AGBL4: variants seen among roughly 807,000 people sequenced by gnomAD.
AGBL4 encodes AGBL carboxypeptidase 4.
A neutral mutation model predicts 66.4 loss-of-function variants in AGBL4; 58 were observed. The ratio of observed to expected loss-of-function variants is 0.87; its 90% CI spans 0.71 to 1.09. The LOEUF (loss-of-function observed/expected upper bound fraction) is 1.09. Ranked by LOEUF, AGBL4 falls within the 50% of genes least tolerant of loss-of-function variation. AGBL4 has a pLI of 0.00. For missense variants in AGBL4, 579 were observed against 631.0 expected (o/e 0.92, Z 0.88); for synonymous variants, 234 against 222.9 (o/e 1.05, Z -0.44).
chr1:49,878,359 G>T (rs929659962), intron 1 of AGBL4, among the ~76,000 whole-genome samples: 2 of 149,462 alleles, frequency 1.3e-5, no homozygotes, highest in African/African-American at 2.5e-5. Context: ...GGTATGTTGT[G>T]TCTTTGTTCT....
At chr1:49,032,501 A>G (rs1664313116) in intron 5 of AGBL4, among the ~76,000 whole-genome samples, 1 of 152,188 alleles carries the variant, frequency 6.6e-6, no homozygotes, top group Non-Finnish European at 1.5e-5. Flanking sequence ...CAAAGCAGCA[A>G]TCTTCCAACC....
chr1:48,933,022 A>G (rs1014293540), intron 5 of AGBL4, among the ~76,000 whole-genome samples: 1 of 152,016 alleles, frequency 6.6e-6, no homozygotes, highest in Non-Finnish European at 1.5e-5. Flanking sequence ...CTCTTTGTTT[A>G]TGCAAAGATT....
chr1:49,382,356 A>G (rs1275949055), intron 3 of AGBL4, among the ~76,000 whole-genome samples: 3 of 152,214 alleles, frequency 2.0e-5, no homozygotes, highest in Admixed American at 2.0e-4. Context: ...AGTTCAACAT[A>G]TAAAAAGCAA....
intron 4 of AGBL4, among the ~76,000 whole-genome samples, chr1:49,170,558 TG>T (rs1360477916): frequency 1.4e-5 from 2 of 146,298 alleles, no homozygotes; most frequent in Admixed American, 1.4e-4. Flanking sequence ...TATACAAATA[TG>T]TTTACATTTA....
intron 6 of AGBL4, among the ~76,000 whole-genome samples, chr1:48,720,704 G>T (rs1647132369): frequency 6.6e-6 from 1 of 152,112 alleles, no homozygotes; most frequent in Non-Finnish European, 1.5e-5. Context: ...ACAGTGTAGG[G>T]GTTCAGCAAA....
At chr1:49,131,052 C>T (rs571501533) in intron 4 of AGBL4, among the ~76,000 whole-genome samples, 16 of 151,808 alleles carry the variant, frequency 1.1e-4, no homozygotes, top group African/African-American at 2.7e-4. Flanking sequence ...GCATATGTAT[C>T]GATGGAATGA....
chr1:48,661,312 G>T (rs6587995), intron 7 of AGBL4, among the ~76,000 whole-genome samples: 11,767 of 152,232 alleles, frequency 0.077, 1,484 homozygotes, highest in African/African-American at 0.27. Flanking sequence ...TTGCCAGGTG[G>T]CAAGGAGCAG....
chr1:49,177,776 G>A (rs1163203374), intron 4 of AGBL4, among the ~76,000 whole-genome samples: 1 of 152,020 alleles, frequency 6.6e-6, no homozygotes, highest in African/African-American at 2.4e-5. Context: ...GAGTGGGGAG[G>A]GCATAGCACC....
intron 2 of AGBL4, among the ~76,000 whole-genome samples, chr1:49,775,237 A>G (rs1358355431): frequency 6.6e-6 from 1 of 152,212 alleles, no homozygotes; most frequent in African/African-American, 2.4e-5. Context: ...TCACTTAACT[A>G]TCCCAGTGCT....
chr1:49,455,352 A>G (rs911341403), intron 3 of AGBL4, among the ~76,000 whole-genome samples: 4 of 151,698 alleles, frequency 2.6e-5, no homozygotes, highest in Non-Finnish European at 4.4e-5. Flanking sequence ...GGGTGAAAAT[A>G]TTTGTCTAAC....
At chr1:49,259,492 G>A (rs938186726) in intron 3 of AGBL4, among the ~76,000 whole-genome samples, 3 of 150,846 alleles carry the variant, frequency 2.0e-5, no homozygotes, top group Non-Finnish European at 1.5e-5. Flanking sequence ...ACAAAAAAAG[G>A]CAAGGGTTGC....
intron 4 of AGBL4, among the ~76,000 whole-genome samples, chr1:49,216,487 T>A (rs2148267281): frequency 6.6e-6 from 1 of 152,284 alleles, no homozygotes; most frequent in African/African-American, 2.4e-5. Flanking sequence ...TAGCTCCCAC[T>A]TATAAGTGAG....
At chr1:48,538,183 T>C (rs2148257731) in intron 12 of AGBL4, among the ~76,000 whole-genome samples, 1 of 152,306 alleles carries the variant, frequency 6.6e-6, no homozygotes, top group South Asian at 2.1e-4. Flanking sequence ...AAGAGATGTA[T>C]GACTCATAGC....
At chr1:49,790,530 G>A (rs868371973) in intron 2 of AGBL4, among the ~76,000 whole-genome samples, 1 of 152,156 alleles carries the variant, frequency 6.6e-6, no homozygotes. Flanking sequence ...CAAAGGGGAT[G>A]AGTGATAATA....
At chr1:49,613,235 G>GGA (rs1289584166) in intron 3 of AGBL4, among the ~76,000 whole-genome samples, 1 of 151,764 alleles carries the variant, frequency 6.6e-6, no homozygotes, top group African/African-American at 2.4e-5. Context: ...ACTAGATGGG[G>GGA]GAGGAAAAGA....
At chr1:49,542,896 CAAAAAAAAA>C (rs35734647) in intron 3 of AGBL4, among the ~76,000 whole-genome samples, 95 of 22,890 alleles carry the variant, frequency 4.2e-3, no homozygotes, top group African/African-American at 0.018. Flanking sequence ...AAGACTCCAT[CAAAAAAAAA>C]AAAAAAAAAA....
In AGBL4 at chr1:48,777,819, C is replaced by A. The variant is rs1011843933; in HGVS notation, c.634+89372G>T. On this transcript the variant is annotated intron_variant, in intron 6 of 13. Coordinates refer to ENST00000371839, the MANE Select transcript of AGBL4 (RefSeq NM_032785.4). ...GAGGAGCGCTCTGGGTAACACAGGC[C>A]CAAGGCTAGGGATTTCTGGAGCACT... Among the ~76,000 whole-genome samples, 13 of 152,186 alleles carry A rather than the reference C, an allele frequency of 8.5e-5. No individual in the cohort carries two copies. The South Asian group carries it at 2.7e-3, about 32-fold the overall frequency.
intron 5 of AGBL4, among the ~76,000 whole-genome samples, chr1:49,034,148 T>C (rs1418206720): frequency 5.9e-5 from 9 of 152,130 alleles, no homozygotes; most frequent in Non-Finnish European, 2.9e-5. Context: ...TTCTCATTCA[T>C]CATACCATTA....
At chr1:48,578,016 G>A (rs1200889580) in intron 11 of AGBL4, among the ~76,000 whole-genome samples, 4 of 152,104 alleles carry the variant, frequency 2.6e-5, no homozygotes, top group Non-Finnish European at 5.9e-5. Context: ...TGCAGCCTGG[G>A]GCATGTAGGT....
Sources: gnomAD v4.1 joint callset for allele counts (sites outside exome capture counted in the v4.1 genomes callset) on GRCh38, gnomAD v4.1.1 for gene constraint, MANE v1.5 for transcripts, NCBI Gene and HGNC (gene_info 2026-07-23, HGNC 2026-07-21) for gene names.